WDR43: variants seen among roughly 807,000 people sequenced by gnomAD.
WDR43 encodes the protein WD repeat-containing protein 43.
In WDR43, 13 loss-of-function variants were observed where a neutral mutation model predicts 91.4. That is an observed-to-expected ratio of 0.14 (90% CI 0.09 to 0.23). The LOEUF (loss-of-function observed/expected upper bound fraction) is 0.23, where lower values mean the gene tolerates loss of function less well. Among genes scored for constraint, WDR43 ranks in the 10% least tolerant of loss-of-function variants. The pLI is 1.00. For missense variants in WDR43, 780 were observed against 809.4 expected, an observed-to-expected ratio of 0.96 and a Z score of 0.44; for synonymous variants, 331 against 287.9, an observed-to-expected ratio of 1.15 and a Z score of -1.51.
chr2:28,897,784 A>C (rs988225462), intron 1 of WDR43, among the ~76,000 whole-genome samples: 2 of 152,194 alleles, frequency 1.3e-5, no homozygotes, highest in Non-Finnish European at 2.9e-5. Flanking sequence ...GTTTAGAAAA[A>C]TTAGATTGTC....
At position 28,914,059 on chromosome 2, in the gene WDR43, C is replaced by T. The variant is rs746371374; in HGVS notation, c.607-10C>T. ...ATCTGCTCTCCTAACTGAGATTTAA[C>T]TTTCTCTAGCATTTCACAGGACATG... On this transcript the variant is annotated splice_polypyrimidine_tract_variant and intron_variant, in intron 4 of 17. Transcript: ENST00000407426. The T allele has an allele frequency of 2.5e-6, 4 of 1,610,762 alleles. No homozygotes were observed.
At chr2:28,898,968 C>A (rs1402473046) in intron 1 of WDR43, among the ~76,000 whole-genome samples, 2 of 152,192 alleles carry the variant, frequency 1.3e-5, no homozygotes, top group Non-Finnish European at 2.9e-5. Flanking sequence ...TTCAGATTCT[C>A]CCTCAGCCTT....
chr2:28,931,138 C>T (rs932496190), intron 11 of WDR43, among the ~76,000 whole-genome samples: 2 of 149,988 alleles, frequency 1.3e-5, no homozygotes, highest in African/African-American at 4.9e-5. Flanking sequence ...TGCAGTGGCG[C>T]AATCTCGGCT....
chr2:28,925,100 A>G lies in WDR43; in HGVS notation c.1033A>G (p.Met345Val). 6.2e-7 allele frequency: 1 copy of G among 1,613,936 alleles called. No individual in the cohort carries two copies. Among genetic ancestry groups the G allele is most frequent in the Non-Finnish European group, 8.5e-7 (1 of 1,179,866 alleles). The change falls in exon 8 of 18, where the codon ATG (methionine) becomes GTG (valine). Residue 345 changes from methionine to valine, a missense_variant. Around this residue, in one of 4 missense-constraint regions of WDR43, gnomAD observed 426 missense variants for 467.8 expected, o/e 0.91. Coordinates refer to ENST00000407426, the MANE Select transcript of WDR43 (RefSeq NM_015131.3). Reference protein sequence around the residue: ...ILAAGFCSDKMSLLLVYGSWF... With the variant: ...ILAAGFCSDKVSLLLVYGSWF... ...AGCTGCTGGTTTTTGCTCAGACAAA[A>G]TGTCATTGTTGCTTGTATATGGCAG...
chr2:28,902,163 G>T (rs754390915), intron 2 of WDR43, 39 bp downstream of exon 2: 69 of 1,520,132 alleles, frequency 4.5e-5, no homozygotes, highest in Non-Finnish European at 6.1e-5. Context: ...TGATGTGACA[G>T]GGAAGCTGAT....
rs753971713 is a variant in WDR43, at chr2:28,946,806, A to G, written c.*27A>G. 52 of 1,545,620 alleles carry G rather than the reference A, an allele frequency of 3.4e-5. No individual in the cohort carries two copies. In the South Asian group the frequency reaches 4.6e-4, roughly 14 times the overall value. On this transcript the variant is annotated 3_prime_UTR_variant, in exon 18 of 18. Transcript: ENST00000407426. ...GACAGCAAAGCAAGCCGGTCAAACT[A>G]TATAAACTCTGGCTCACCTTGCCCA...
Position 28,911,866 on chromosome 2 carries a change from T to C in WDR43, c.486-724T>C, listed in dbSNP as rs561557067. On this transcript the variant is annotated intron_variant, in intron 3 of 17. Coordinates refer to ENST00000407426, the MANE Select transcript of WDR43 (RefSeq NM_015131.3). ...CTCGAACTCCTGGACTCAGGCGATC[T>C]GCCCACCTCAATCTCCCAAAGTGCT... Among the ~76,000 whole-genome samples, 82 of 149,314 alleles carry C rather than the reference T, an allele frequency of 5.5e-4. 1 individual carries two copies. The highest frequency in any genetic ancestry group is 2.0e-3 in the African/African-American group (80 of 40,484).
intron 1 of WDR43, among the ~76,000 whole-genome samples, chr2:28,898,741 C>T (rs960369602): frequency 3.3e-5 from 5 of 151,642 alleles, no homozygotes; most frequent in African/African-American, 7.3e-5. Context: ...TACTACTAGC[C>T]GTGGGAAGTT....
intron 1 of WDR43, among the ~76,000 whole-genome samples, chr2:28,900,415 C>T (rs1207157858): frequency 2.0e-5 from 3 of 152,142 alleles, no homozygotes; most frequent in African/African-American, 4.8e-5. Context: ...AACTCCTGAC[C>T]TCGTGATCCA....
In WDR43 at chr2:28,906,707, C is replaced by T. The variant is rs1670688775; in HGVS notation, c.485+126C>T. 3.3e-6 allele frequency: 4 copies of T among 1,214,896 alleles called. No homozygotes were observed. In the Admixed American group the frequency reaches 1.0e-4, roughly 31 times the overall value. The allele number at this position is 1,214,896 out of a possible 1,614,324, so 75.3% of individuals were successfully genotyped here. A position where few individuals can be genotyped will look rare whatever the true frequency, so the allele number is the denominator to read the frequency against. On this transcript the variant is annotated intron_variant, in intron 3 of 17. Transcript: ENST00000407426. ...AGAACTTTTAATCAAATCGAGCATG[C>T]AAGATTTTAATACATAAAATACTAA...
At position 28,941,467 on chromosome 2, in the gene WDR43, G is replaced by A. The variant is rs774739099; in HGVS notation, c.1627G>A (p.Asp543Asn). ...TGATCATTTTTTTCTCTAGTTGCCT[G>A]ACCTGGTACCCCAGCTGGGGACACT... The part of the protein sequence containing the change: ...VHASYLSTLP[D>N]LVPQLGTLYQ... The change falls in exon 15 of 18, where the codon GAC becomes AAC. Residue 543 changes from aspartate (D) to asparagine (N), a missense_variant. Coordinates refer to ENST00000407426, the MANE Select transcript of WDR43 (RefSeq NM_015131.3). 3.7e-6 allele frequency: 6 copies of A among 1,612,260 alleles called. No individual in the cohort carries two copies. The East Asian group carries it at 6.7e-5, about 18-fold the overall frequency.
At chr2:28,924,702 A>G (rs1378146158) in intron 7 of WDR43, among the ~76,000 whole-genome samples, 2 of 152,098 alleles carry the variant, frequency 1.3e-5, no homozygotes, top group Admixed American at 6.6e-5. Flanking sequence ...CAGGGTGGCA[A>G]GAGAACGTTT....
chr2:28,927,842 C>T, intron 10 of WDR43, 142 bp downstream of exon 10: 5 of 1,117,312 alleles, frequency 4.5e-6, no homozygotes, highest in Non-Finnish European at 6.2e-6. Flanking sequence ...TTTATCTTCA[C>T]CATCATAGAT....
At position 28,902,528 on chromosome 2, in the gene WDR43, G is replaced by GC. The variant is rs1363629057; in HGVS notation, c.363+405dup. Among the ~76,000 whole-genome samples, 47 of 152,224 alleles carry GC rather than the reference G, an allele frequency of 3.1e-4. 1 individual carries two copies. The highest frequency in any genetic ancestry group is 2.8e-3 in the Admixed American group (43 of 15,280). ...TGTCTCTTGAAGAGTGGCCCCATGG[G>GC]CATGGGATCGAGACTTCAAACTGAG... On this transcript the variant is annotated intron_variant, in intron 2 of 17. Coordinates refer to ENST00000407426, the MANE Select transcript of WDR43 (RefSeq NM_015131.3).
At position 28,942,393 on chromosome 2, in the gene WDR43, G is replaced by T; in HGVS notation, c.1804+12G>T. 6.2e-7 allele frequency: 1 copy of T among 1,612,370 alleles called. No individual in the cohort carries two copies. Among genetic ancestry groups the T allele is most frequent in the Admixed American group, 1.7e-5 (1 of 59,858 alleles). On this transcript the variant is annotated intron_variant, in intron 16 of 17. Transcript: ENST00000407426. ...GGTGTATGAAGAAGGTAAAGACTGG[G>T]GGAATGGGATGGAGTCTAGAATTAT... is the stretch of plus-strand genomic sequence containing the variant.
At chr2:28,921,576 TC>T (rs1671026300) in intron 6 of WDR43, among the ~76,000 whole-genome samples, 1 of 152,198 alleles carries the variant, frequency 6.6e-6, no homozygotes, top group African/African-American at 2.4e-5. Flanking sequence ...TGCAGAATAA[TC>T]TGCTTATTTT....
At chr2:28,920,756 A>G (rs960093730) in intron 6 of WDR43, among the ~76,000 whole-genome samples, 1 of 152,012 alleles carries the variant, frequency 6.6e-6, no homozygotes, top group Non-Finnish European at 1.5e-5. Context: ...AGCTCACTGC[A>G]AACTCTGCCT....
intron 14 of WDR43, among the ~76,000 whole-genome samples, chr2:28,938,916 T>A (rs752477675): frequency 6.6e-6 from 1 of 151,662 alleles, no homozygotes; most frequent in African/African-American, 2.4e-5. Context: ...AGAGGCGTTT[T>A]GGGAGGTGGC....
At chr2:28,942,118 T>C (rs1381224174) in intron 15 of WDR43, among the ~76,000 whole-genome samples, 194 bp from the exon 16 acceptor site, 1 of 152,186 alleles carries the variant, frequency 6.6e-6, no homozygotes, top group Non-Finnish European at 1.5e-5. Context: ...CTCAGAGTTT[T>C]TCAGCTTTAC....
Sources: gnomAD v4.1 joint callset for allele counts (sites outside exome capture counted in the v4.1 genomes callset) on GRCh38, gnomAD v4.1.1 for gene constraint, gnomAD v4.1.1 regional missense constraint, MANE v1.5 for transcripts, NCBI Gene and HGNC (gene_info 2026-07-23, HGNC 2026-07-21) for gene names.